Variants in KAZN observed in about 807,000 individuals in gnomAD.
KAZN encodes kazrin, periplakin interacting protein.
In KAZN, 40 loss-of-function variants were observed where a neutral mutation model predicts 87.4. That is an observed-to-expected ratio of 0.46 (90% CI 0.36 to 0.60). The LOEUF is 0.60. KAZN is among the 20% of genes least tolerant of loss of function. The probability of loss-of-function intolerance (pLI) is 0.00; values close to 1 mark genes in which losing one functional copy is unlikely to be tolerated. For synonymous variants in KAZN, 466 were observed against 458.3 expected (o/e 1.02, Z -0.22); for missense variants, 898 against 1,073.9 (o/e 0.84, Z 2.29).
At chr1:14,823,509 G>T (rs1354615312) in intron 1 of KAZN, among the ~76,000 whole-genome samples, 1 of 152,122 alleles carries the variant, frequency 6.6e-6, no homozygotes, top group East Asian at 1.9e-4. Flanking sequence ...GGGTCGCTTT[G>T]GTTGTCACCA....
intron 1 of KAZN, among the ~76,000 whole-genome samples, chr1:14,004,116 C>G (rs1314118052): frequency 6.8e-6 from 1 of 146,918 alleles, no homozygotes; most frequent in African/African-American, 2.5e-5. Flanking sequence ...AAAAAAAAAG[C>G]AAATGTCCAA....
intron 1 of KAZN, among the ~76,000 whole-genome samples, chr1:14,758,054 G>A (rs984301515): frequency 5.9e-5 from 9 of 152,174 alleles, no homozygotes; most frequent in Admixed American, 2.6e-4. Flanking sequence ...CAGGTAGATG[G>A]AATGGACTTC....
At chr1:14,011,488 T>C (rs1037754234) in intron 1 of KAZN, among the ~76,000 whole-genome samples, 10 of 152,184 alleles carry the variant, frequency 6.6e-5, no homozygotes, top group African/African-American at 2.2e-4. Context: ...CTGGAAATCA[T>C]TGGTCCCATC....
At chr1:15,100,015 G>A (rs577111775) in intron 10 of KAZN, among the ~76,000 whole-genome samples, 53 of 152,140 alleles carry the variant, frequency 3.5e-4, no homozygotes, top group Non-Finnish European at 6.5e-4. Context: ...AGTATGACAC[G>A]TCTGTGACAG....
chr1:14,047,136 C>G (rs1238858276), intron 1 of KAZN, among the ~76,000 whole-genome samples: 1 of 152,204 alleles, frequency 6.6e-6, no homozygotes, highest in Non-Finnish European at 1.5e-5. Context: ...ATTTTAAACT[C>G]TTTGTTTAGA....
intron 1 of KAZN, among the ~76,000 whole-genome samples, chr1:13,940,957 G>A (rs1441224118): frequency 1.3e-5 from 2 of 152,208 alleles, no homozygotes; most frequent in African/African-American, 2.4e-5. Flanking sequence ...CACTTTGGGA[G>A]GCGGAAGTGG....
At chr1:14,431,175 T>C (rs946461589) in intron 2 of KAZN, among the ~76,000 whole-genome samples, 7 of 152,170 alleles carry the variant, frequency 4.6e-5, no homozygotes, top group African/African-American at 1.7e-4. Context: ...GCAATAATAT[T>C]ATGAGTGGGG....
chr1:14,452,093 C>T (rs1667310180), intron 2 of KAZN, among the ~76,000 whole-genome samples: 1 of 152,138 alleles, frequency 6.6e-6, no homozygotes, highest in African/African-American at 2.4e-5. Flanking sequence ...ACACGCCCCA[C>T]CATGCCTGGC....
At chr1:14,062,771 C>T (rs141084980) in intron 1 of KAZN, among the ~76,000 whole-genome samples, 96 of 152,004 alleles carry the variant, frequency 6.3e-4, no homozygotes, top group African/African-American at 2.2e-3. Flanking sequence ...AGGAACAGTT[C>T]AGGAAGATAG....
chr1:14,530,018 G>C (rs1428133301), intron 2 of KAZN, among the ~76,000 whole-genome samples: 1 of 152,182 alleles, frequency 6.6e-6, no homozygotes, highest in Non-Finnish European at 1.5e-5. Context: ...AGTGGCAGGT[G>C]ATAGCACAGT....
chr1:14,639,245 A>C (rs12075723), intron 1 of KAZN, among the ~76,000 whole-genome samples: 3,469 of 152,208 alleles, frequency 0.023, 149 homozygotes, highest in African/African-American at 0.08. Context: ...GAGACCTCCC[A>C]TTTGGACCTC....
At chr1:14,579,121 T>C (rs1675369493) in intron 2 of KAZN, among the ~76,000 whole-genome samples, 2 of 152,026 alleles carry the variant, frequency 1.3e-5, no homozygotes, top group Non-Finnish European at 2.9e-5. Context: ...CCTCCTGGAG[T>C]TCAAATCCTG....
intron 1 of KAZN, among the ~76,000 whole-genome samples, chr1:14,758,566 G>C (rs760176569): frequency 6.6e-6 from 1 of 152,054 alleles, no homozygotes; most frequent in Admixed American, 6.6e-5. Flanking sequence ...TCCCACCTTG[G>C]CCCCCCAAAA....
At chr1:14,909,611 G>A (rs1327652240) in intron 1 of KAZN, among the ~76,000 whole-genome samples, 1 of 152,152 alleles carries the variant, frequency 6.6e-6, no homozygotes, top group Non-Finnish European at 1.5e-5. Context: ...TTGCCCCAGA[G>A]ACTCTGCAGT....
chr1:14,937,814 CA>C (rs1306528724), intron 1 of KAZN, among the ~76,000 whole-genome samples: 1 of 152,200 alleles, frequency 6.6e-6, no homozygotes, highest in African/African-American at 2.4e-5. Context: ...GGAGCGTGGC[CA>C]TCTCCCTGAA....
At chr1:14,780,182 C>T (rs1367490996) in intron 1 of KAZN, among the ~76,000 whole-genome samples, 2 of 152,174 alleles carry the variant, frequency 1.3e-5, no homozygotes, top group Admixed American at 6.5e-5. Context: ...TTTGCTGTTG[C>T]CTCTGCCTCA....
chr1:14,080,205 G>A (rs1643618106), intron 1 of KAZN, among the ~76,000 whole-genome samples: 1 of 93,996 alleles, frequency 1.1e-5, no homozygotes, highest in Non-Finnish European at 2.3e-5. Context: ...TATCTCATAT[G>A]TTCATTGGAA....
intron 1 of KAZN, among the ~76,000 whole-genome samples, chr1:14,948,986 G>C (rs1166621632): frequency 6.6e-6 from 1 of 152,094 alleles, no homozygotes; most frequent in South Asian, 2.1e-4. Context: ...GCAAAATGCT[G>C]TCTCTACAAA....
chr1:14,853,864 G>T (rs886956039), intron 1 of KAZN, among the ~76,000 whole-genome samples: 1 of 152,186 alleles, frequency 6.6e-6, no homozygotes, highest in African/African-American at 2.4e-5. Context: ...AGCTGATGGG[G>T]AACGGTGGCC....
Sources: allele counts gnomAD v4.1 joint callset (sites outside exome capture counted in the v4.1 genomes callset), GRCh38; gene constraint gnomAD v4.1.1; transcripts MANE v1.5; gene names NCBI Gene and HGNC (gene_info 2026-07-23, HGNC 2026-07-21).